The following RCOR3 variants were observed in gnomAD, a reference collection of about 807,000 sequenced individuals.
The protein encoded by RCOR3 is REST corepressor 3.
Under a neutral mutation model 64.1 loss-of-function variants are expected in RCOR3, and 13 were observed. That is an observed-to-expected ratio of 0.20 (90% CI 0.13 to 0.32). RCOR3 has a LOEUF of 0.32. Among genes scored for constraint, RCOR3 ranks in the 10% least tolerant of loss-of-function variants. The pLI is 1.00. For synonymous variants in RCOR3, 215 were observed against 239.0 expected (o/e 0.90, Z 0.93); for missense variants, 489 against 701.2 (o/e 0.70, Z 3.42).
chr1:211,268,350 A>G (rs1462491760), intron 2 of RCOR3, among the ~76,000 whole-genome samples: 1 of 149,410 alleles, frequency 6.7e-6, no homozygotes, highest in Non-Finnish European at 1.5e-5. Context: ...AAAAAGATAT[A>G]TCAAAGTTTC....
intron 3 of RCOR3, among the ~76,000 whole-genome samples, chr1:211,272,865 C>T (rs1696433491): frequency 6.6e-6 from 1 of 151,756 alleles, no homozygotes; most frequent in East Asian, 1.9e-4. Flanking sequence ...TCGTGATCCG[C>T]CCGCCTCGGC....
intron 7 of RCOR3, among the ~76,000 whole-genome samples, chr1:211,284,771 C>A (rs1698302378): frequency 6.6e-6 from 1 of 152,202 alleles, no homozygotes; most frequent in Non-Finnish European, 1.5e-5. Flanking sequence ...ATCCTCCCAC[C>A]TTGGCCTCCC....
At chr1:211,277,978 A>AC in intron 5 of RCOR3, 139 bp from the exon 6 acceptor site, 1 of 688,550 alleles carries the variant, frequency 1.5e-6, no homozygotes, top group Non-Finnish European at 2.4e-6. Context: ...CTGTAGTAGT[A>AC]CTTTTTAGCT....
At chr1:211,282,661 G>A (rs1295249917) in intron 7 of RCOR3, among the ~76,000 whole-genome samples, 1 of 152,046 alleles carries the variant, frequency 6.6e-6, no homozygotes, top group South Asian at 2.1e-4. Flanking sequence ...ACCATGCCTG[G>A]CTAATTTTTG....
intron 4 of RCOR3, among the ~76,000 whole-genome samples, chr1:211,275,499 A>G (rs1696835668): frequency 6.6e-6 from 1 of 152,124 alleles, no homozygotes; most frequent in African/African-American, 2.4e-5. Context: ...AAATTAACAA[A>G]CTCACTATTT....
At position 211,278,261 on chromosome 1, in the gene RCOR3, A is replaced by G; in HGVS notation, c.641+20A>G. ...TGACAGGTAGGTTGGTTACCTTCAT[A>G]TAGTTACATTGTTAGGGACACTGCA... On this transcript the variant is annotated intron_variant, in intron 6 of 11. Transcript: ENST00000419091. The G allele has an allele frequency of 1.9e-6, 3 of 1,612,974 alleles. No homozygotes were observed. The highest frequency in any genetic ancestry group is 1.1e-5 in the South Asian group (1 of 90,940).
chr1:211,310,140 G>C (rs1701334259), intron 10 of RCOR3, among the ~76,000 whole-genome samples: 1 of 152,148 alleles, frequency 6.6e-6, no homozygotes, highest in South Asian at 2.1e-4. Context: ...TGCTAGTGCT[G>C]CTTTGTATTT....
rs1426168182 is a variant in RCOR3 at position 211,315,852 on chromosome 1, T to C, written c.*2084T>C. ...AGCACACAGTAGAAAAACTTTAGCT[T>C]CATTAGTAATATGACACATGTATAT... On this transcript the variant is annotated 3_prime_UTR_variant, in exon 12 of 12. Coordinates refer to ENST00000419091, the MANE Select transcript of RCOR3 (RefSeq NM_001136223.3). 1 of 152,232 alleles carries C rather than the reference T, an allele frequency of 6.6e-6. No homozygotes were observed. Among genetic ancestry groups the C allele is most frequent in the Non-Finnish European group, 1.5e-5 (1 of 68,036 alleles). 9.4% of individuals were successfully genotyped at this position (152,232 alleles called of 1,614,324 possible).
chr1:211,273,534 T>C (rs1019638276), intron 3 of RCOR3, among the ~76,000 whole-genome samples: 2 of 152,220 alleles, frequency 1.3e-5, no homozygotes, highest in Non-Finnish European at 2.9e-5. Context: ...AAAACTGAGT[T>C]CTGGTGAATG....
At chr1:211,263,342 C>T (rs1022213532) in intron 2 of RCOR3, among the ~76,000 whole-genome samples, 3 of 151,986 alleles carry the variant, frequency 2.0e-5, no homozygotes, top group South Asian at 4.2e-4. Context: ...AATATTTTGC[C>T]TATTTTGAAA....
At chr1:211,307,241 C>T (rs927944046) in intron 10 of RCOR3, among the ~76,000 whole-genome samples, 101 of 152,262 alleles carry the variant, frequency 6.6e-4, no homozygotes, top group African/African-American at 2.4e-3. Context: ...GTAATCCTAG[C>T]ACTTTGGGAG....
chr1:211,273,474 A>G (rs1326335971), intron 3 of RCOR3, among the ~76,000 whole-genome samples: 8 of 152,260 alleles, frequency 5.3e-5, no homozygotes, highest in Non-Finnish European at 1.2e-4. Context: ...ATACACATAT[A>G]TAAATTAATT....
chr1:211,286,137 T>C (rs558139399), intron 7 of RCOR3, among the ~76,000 whole-genome samples: 18 of 152,330 alleles, frequency 1.2e-4, no homozygotes, highest in African/African-American at 4.3e-4. Flanking sequence ...CCCATTTATA[T>C]TGATCACATT....
chr1:211,269,710 T>C (rs1431847154), intron 2 of RCOR3, among the ~76,000 whole-genome samples: 1 of 152,216 alleles, frequency 6.6e-6, no homozygotes, highest in Non-Finnish European at 1.5e-5. Context: ...TAATAGAATC[T>C]ACAGGCACGT....
intron 8 of RCOR3, among the ~76,000 whole-genome samples, chr1:211,293,598 T>C (rs1483040151): frequency 6.6e-6 from 1 of 152,220 alleles, no homozygotes; most frequent in East Asian, 1.9e-4. Flanking sequence ...ATTTACTCTC[T>C]CATTCTCTCT....
At position 211,278,200 on chromosome 1, in the gene RCOR3, C is replaced by T. The variant is rs1197833445; in HGVS notation, c.600C>T (p.Arg200=). The change falls in exon 6 of 12, where the codon CGC becomes CGT. Residue 200 remains arginine, a synonymous_variant. Transcript: ENST00000419091. ...GCTCTAGGACAAGTTTGATGGATCG[C>T]CAGGCTCGTAAACTAGCTAATAGAC... ...KTRSRTSLMD[R]QARKLANRHN... is the part of the protein sequence containing the mutation. The T allele has an allele frequency of 5.0e-6, 8 of 1,612,934 alleles. No individual in the cohort carries two copies. The highest frequency in any genetic ancestry group is 4.2e-6 in the Non-Finnish European group (5 of 1,179,686).
At chr1:211,266,537 A>C (rs544933518) in intron 2 of RCOR3, among the ~76,000 whole-genome samples, 1 of 152,290 alleles carries the variant, frequency 6.6e-6, no homozygotes, top group East Asian at 1.9e-4. Context: ...ACGCTACTAT[A>C]GTCTTTTAAA....
At chr1:211,280,472 G>A (rs1243717713) in intron 7 of RCOR3, among the ~76,000 whole-genome samples, 1 of 152,170 alleles carries the variant, frequency 6.6e-6, no homozygotes. Flanking sequence ...TTCAATAAAT[G>A]TTGATTCAAT....
At chr1:211,261,098 T>C (rs1442240592) in intron 2 of RCOR3, 1 of 152,072 alleles carries the variant, frequency 6.6e-6, no homozygotes, top group African/African-American at 2.4e-5. Context: ...GGACCCACCT[T>C]TTTTTTTCCT....
Sources: allele counts gnomAD v4.1 joint callset (sites outside exome capture counted in the v4.1 genomes callset), GRCh38; gene constraint gnomAD v4.1.1; transcripts MANE v1.5; gene names NCBI Gene and HGNC (gene_info 2026-07-23, HGNC 2026-07-21).